ZFYVE26: variants seen among roughly 807,000 people sequenced by gnomAD.
ZFYVE26 encodes zinc finger FYVE-type containing 26.
Under a neutral mutation model 276.5 loss-of-function variants are expected in ZFYVE26, and 181 were observed. The ratio of observed to expected loss-of-function variants is 0.65; its 90% CI spans 0.58 to 0.74. The LOEUF is 0.74. ZFYVE26 is among the 30% of genes least tolerant of loss of function. ZFYVE26 has a pLI of 0.00. For missense variants in ZFYVE26, 2,821 were observed against 3,097.9 expected (o/e 0.91, Z 2.12); for synonymous variants, 1,129 against 1,203.1 (o/e 0.94, Z 1.27).
intron 35 of ZFYVE26, among the ~76,000 whole-genome samples, chr14:67,757,022 T>G (rs1358558705): frequency 1.3e-5 from 2 of 152,134 alleles, no homozygotes; most frequent in African/African-American, 2.4e-5. Context: ...AGTCATCTTT[T>G]CCCTCACACT....
chr14:67,777,449 A>G, intron 25 of ZFYVE26, 110 bp downstream of exon 25: 3 of 1,567,464 alleles, frequency 1.9e-6, no homozygotes, highest in South Asian at 2.3e-5. Flanking sequence ...CAAGTTCTGA[A>G]GAAGAGCTAG....
rs954080489 is a variant in ZFYVE26 at position 67,766,126 on chromosome 14, T to C, written c.6011+101A>G. On this transcript the variant is annotated intron_variant, in intron 32 of 41. Coordinates refer to ENST00000347230, the MANE Select transcript of ZFYVE26 (RefSeq NM_015346.4). Reference sequence around the variant, plus strand: ...ATGAAAAATCTTTCAGCATGTCTTGTCAGAGAGGATGGTGAGATAAAAAAA... The same window carrying C: ...ATGAAAAATCTTTCAGCATGTCTTGCCAGAGAGGATGGTGAGATAAAAAAA... The C allele has an allele frequency of 1.1e-5, 13 of 1,137,464 alleles. No individual in the cohort carries two copies. In the East Asian group the frequency reaches 3.1e-4, roughly 27 times the overall value. 70.5% of individuals were successfully genotyped at this position (1,137,464 alleles called of 1,614,324 possible).
Position 67,784,429 on chromosome 14 carries a change from C to T in ZFYVE26, c.3531G>A (p.Val1177=), listed in dbSNP as rs2140225411. 3 of 1,614,056 alleles carry T rather than the reference C, an allele frequency of 1.9e-6. No individual in the cohort carries two copies. Among genetic ancestry groups the T allele is most frequent in the Non-Finnish European group, 2.5e-6 (3 of 1,179,922 alleles). Reference sequence around the variant, plus strand: ...CAAAGGGATTTCCTACCTTGACCTCCACATGATCTGCAAAGGTAAAGAACA... The same window carrying T: ...CAAAGGGATTTCCTACCTTGACCTCTACATGATCTGCAAAGGTAAAGAACA... ...LQSLSSEPDH[V]EVKVGNPFVL... is the part of the protein sequence containing the mutation. The change falls in exon 20 of 42, where the codon GTG becomes GTA. Residue 1177 remains valine, a synonymous_variant. Coordinates refer to ENST00000347230, the MANE Select transcript of ZFYVE26 (RefSeq NM_015346.4).
chr14:67,752,205 C>T, intron 40 of ZFYVE26, 139 bp downstream of exon 40: 1 of 1,128,944 alleles, frequency 8.9e-7, no homozygotes, highest in Non-Finnish European at 1.3e-6. Flanking sequence ...TATGGTGAGG[C>T]CATTATTGCA....
chr14:67,753,015 C>A (rs541768247), intron 39 of ZFYVE26, among the ~76,000 whole-genome samples: 1 of 152,208 alleles, frequency 6.6e-6, no homozygotes, highest in Non-Finnish European at 1.5e-5. Context: ...GGAGCTGCCC[C>A]TCTGCCTGCC....
exon 14 of ZFYVE26, chr14:67,729,768 C>A (rs1007809673): frequency 2.0e-6 from 1 of 503,880 alleles, no homozygotes; most frequent in East Asian, 5.4e-5. Flanking sequence ...GGGGAACGTC[C>A]TCTCTCTTCG....
At chr14:67,800,417 A>C (rs1844451726) in intron 10 of ZFYVE26, among the ~76,000 whole-genome samples, 1 of 152,220 alleles carries the variant, frequency 6.6e-6, no homozygotes, top group Non-Finnish European at 1.5e-5. Context: ...AAGAGATATT[A>C]CATCAAAACA....
At position 67,793,737 on chromosome 14, in the gene ZFYVE26, A is replaced by G; in HGVS notation, c.2424T>C (p.Ser808=). 6.2e-7 allele frequency: 1 copy of G among 1,613,958 alleles called. No individual in the cohort carries two copies. The highest frequency in any genetic ancestry group is 8.5e-7 in the Non-Finnish European group (1 of 1,179,952). The change falls in exon 14 of 42, where the codon TCT becomes TCC. Residue 808 remains serine (S), a synonymous_variant. Transcript: ENST00000347230. ...STSEGSLSAM[S]GRNELHSRLH... Reference sequence around the variant, plus strand: ...ATCTACTGTGCAGCTCATTCCGGCCAGACATGGCACTCAGACTTCCCTCTG... The same window carrying G: ...ATCTACTGTGCAGCTCATTCCGGCCGGACATGGCACTCAGACTTCCCTCTG...
Position 67,730,875 on chromosome 14 carries a change from A to C in ZFYVE26, n.2680-1056T>G, listed in dbSNP as rs150176761. 4.0e-3 allele frequency among the ~76,000 whole-genome samples: 606 copies of C among 152,274 alleles called. 19 individuals carry two copies. Among genetic ancestry groups the C allele is most frequent in the Admixed American group, 0.036 (551 of 15,296 alleles). On this transcript the variant is annotated intron_variant and non_coding_transcript_variant, in intron 13 of 14. Transcript: ENST00000394455. ...TGCCTTGGCCTCCTAAAGTGCTGGG[A>C]TTACAGGCGTGAGCCACCGCGCCCA...
At chr14:67,758,407 T>A (rs1253343047) in intron 35 of ZFYVE26, among the ~76,000 whole-genome samples, 1 of 152,182 alleles carries the variant, frequency 6.6e-6, no homozygotes, top group Admixed American at 6.5e-5. Context: ...ATCTATCCAC[T>A]CACTCATTCA....
At chr14:67,789,952 T>C (rs143841882) in intron 15 of ZFYVE26, among the ~76,000 whole-genome samples, 100 of 152,340 alleles carry the variant, frequency 6.6e-4, no homozygotes, top group African/African-American at 2.3e-3. Context: ...CTATTTATAT[T>C]AAAAACAGAA....
Position 67,798,410 on chromosome 14 carries a change from C to T in ZFYVE26, c.1852G>A (p.Glu618Lys), listed in dbSNP as rs754183976. ...KSPSGLRSPS[E>K]SPQHIAHPER... is the part of the protein sequence containing the mutation. Reference sequence around the variant, plus strand: ...GGATGTGCTATGTGCTGAGGGCTCTCTGATGGGGACCTCAAACCTGAGGGG... The same window carrying T: ...GGATGTGCTATGTGCTGAGGGCTCTTTGATGGGGACCTCAAACCTGAGGGG... Residue 618 changes from glutamate (E) to lysine (K), a missense_variant, in exon 11 of 42, where the codon GAG becomes AAG. Coordinates refer to ENST00000347230, the MANE Select transcript of ZFYVE26 (RefSeq NM_015346.4). 1.2e-6 allele frequency: 2 copies of T among 1,613,230 alleles called. No individual in the cohort carries two copies. The highest frequency in any genetic ancestry group is 2.2e-5 in the South Asian group (2 of 91,056).
intron 3 of ZFYVE26, 125 bp from the exon 4 acceptor site, chr14:67,809,414 T>A (rs544356642): frequency 8.2e-5 from 46 of 564,238 alleles, no homozygotes; most frequent in African/African-American, 2.4e-4. Context: ...CACTCTTTTT[T>A]TTTTTTTTTT....
At position 67,793,634 on chromosome 14, in the gene ZFYVE26, G is replaced by A. The variant is rs766035701; in HGVS notation, c.2527C>T (p.Arg843Cys). 2.1e-5 allele frequency: 34 copies of A among 1,613,648 alleles called. No homozygotes were observed. Among genetic ancestry groups the A allele is most frequent in the South Asian group, 2.0e-4 (18 of 91,074 alleles). The change falls in exon 14 of 42, where the codon CGC becomes TGC. Residue 843 changes from arginine (R) to cysteine (C), a missense_variant. Arg to Cys is a radical substitution (Grantham distance 180, BLOSUM62 -3). Coordinates refer to ENST00000347230, the MANE Select transcript of ZFYVE26 (RefSeq NM_015346.4). The stretch of plus-strand genomic sequence containing the variant: ...TGATGGGCTTCTGCGAAGTTCCCGC[G>A]AAGGATGCAGGATGCCAGCAGTGAC... Reference protein sequence around the residue: ...PESLLASCILRGNFAEAHQVL... With the variant: ...PESLLASCILCGNFAEAHQVL...
intron 26 of ZFYVE26, among the ~76,000 whole-genome samples, chr14:67,775,390 C>T (rs1362638001): frequency 6.6e-6 from 1 of 152,154 alleles, no homozygotes; most frequent in Non-Finnish European, 1.5e-5. Flanking sequence ...AAGTGGAAGA[C>T]GTTGAAATGA....
Position 67,768,517 on chromosome 14 carries a change from C to T in ZFYVE26, c.5653G>A (p.Ala1885Thr). The T allele has an allele frequency of 1.2e-6, 2 of 1,614,060 alleles. No individual in the cohort carries two copies. Among genetic ancestry groups the T allele is most frequent in the South Asian group, 2.2e-5 (2 of 91,076 alleles). Reference sequence around the variant, plus strand: ...CACAGAGAACGGGATTTGGCCTTACCTTCTGGTTTTTCTGAAGGCTCCTCT... The same window carrying T: ...CACAGAGAACGGGATTTGGCCTTACTTTCTGGTTTTTCTGAAGGCTCCTCT... ...VPEEPSEKPEALDSSKNESPP... is the reference protein window; with the variant it reads ...VPEEPSEKPETLDSSKNESPP... The change falls in exon 30 of 42, where the codon GCT (alanine) becomes ACT (threonine). Residue 1885 changes from alanine to threonine, a missense_variant and splice_region_variant. Coordinates refer to ENST00000347230, the MANE Select transcript of ZFYVE26 (RefSeq NM_015346.4).
chr14:67,740,035 A>G (rs2038397462), intron 13 of ZFYVE26, among the ~76,000 whole-genome samples: 2 of 152,200 alleles, frequency 1.3e-5, no homozygotes, highest in South Asian at 2.1e-4. Flanking sequence ...CAATGGTTCC[A>G]TTATTTCCCA....
chr14:67,769,984 TG>T (rs2039165352), intron 28 of ZFYVE26: 3 of 533,426 alleles, frequency 5.6e-6, no homozygotes, highest in Non-Finnish European at 1.0e-5. Flanking sequence ...TACTTGTGTA[TG>T]GAGGCAACAT....
intron 21 of ZFYVE26, among the ~76,000 whole-genome samples, chr14:67,781,913 TC>T (rs775119208): frequency 3.3e-5 from 5 of 152,204 alleles, no homozygotes; most frequent in Non-Finnish European, 7.3e-5. Flanking sequence ...CCCTGTAATT[TC>T]CACCCTGTGC....
Sources: allele counts gnomAD v4.1 joint callset (sites outside exome capture counted in the v4.1 genomes callset), GRCh38; gene constraint gnomAD v4.1.1; transcripts MANE v1.5; gene names NCBI Gene and HGNC (gene_info 2026-07-23, HGNC 2026-07-21).